STAB2: variants seen among roughly 807,000 people sequenced by gnomAD.
The protein encoded by STAB2 is stabilin-2.
Under a neutral mutation model 338.1 loss-of-function variants are expected in STAB2, and 288 were observed. The observed-to-expected ratio is 0.85, with a 90% CI of 0.77 to 0.94. The LOEUF (loss-of-function observed/expected upper bound fraction) is 0.94, where lower values mean the gene tolerates loss of function less well. Ranked by LOEUF, STAB2 falls within the 40% of genes least tolerant of loss-of-function variation. STAB2 has a pLI of 0.00. For missense variants in STAB2, 3,141 were observed against 3,210.1 expected, an observed-to-expected ratio of 0.98 and a Z score of 0.52; for synonymous variants, 1,202 against 1,193.3, an observed-to-expected ratio of 1.01 and a Z score of -0.15.
At chr12:103,711,589 T>G in intron 40 of STAB2, 73 bp downstream of exon 40, 5 of 1,528,616 alleles carry the variant, frequency 3.3e-6, no homozygotes, top group Non-Finnish European at 4.5e-6. Flanking sequence ...CCCTAGTCTC[T>G]ATCCTCAGGG....
chr12:103,752,549 C>T (rs1883758763), intron 60 of STAB2, among the ~76,000 whole-genome samples: 1 of 152,172 alleles, frequency 6.6e-6, no homozygotes, highest in Non-Finnish European at 1.5e-5. Flanking sequence ...TGATAAAAAT[C>T]TTCCAGTATC....
intron 61 of STAB2, among the ~76,000 whole-genome samples, chr12:103,753,913 A>C (rs1486847641): frequency 6.6e-6 from 1 of 152,180 alleles, no homozygotes; most frequent in Admixed American, 6.5e-5. Flanking sequence ...AAGAAAAAAG[A>C]GACTGCACAA....
At chr12:103,708,608 A>C (rs1213422736) in intron 39 of STAB2, 72 bp downstream of exon 39, 16 of 1,433,790 alleles carry the variant, frequency 1.1e-5, no homozygotes, top group Non-Finnish European at 1.6e-5. Context: ...TTTTCTTTCT[A>C]AAATATAAAT....
intron 10 of STAB2, among the ~76,000 whole-genome samples, chr12:103,650,243 G>A (rs1369815783): frequency 6.6e-6 from 1 of 151,858 alleles, no homozygotes. Flanking sequence ...GCTCAGCCAG[G>A]GTATCTTTGA....
At chr12:103,609,194 T>G (rs1957081566) in intron 3 of STAB2, among the ~76,000 whole-genome samples, 1 of 152,216 alleles carries the variant, frequency 6.6e-6, no homozygotes, top group Non-Finnish European at 1.5e-5. Flanking sequence ...CCATATGAAC[T>G]TTAAAGTAGT....
At chr12:103,728,826 A>G in intron 47 of STAB2, 23 bp from the exon 48 acceptor site, 8 of 1,612,720 alleles carry the variant, frequency 5.0e-6, no homozygotes, top group Non-Finnish European at 6.8e-6. Context: ...CTCTGGCTGA[A>G]ACCCTCTGAT....
chr12:103,711,648 T>C, intron 40 of STAB2, 132 bp downstream of exon 40: 1 of 1,060,928 alleles, frequency 9.4e-7, no homozygotes, highest in Non-Finnish European at 1.4e-6. Flanking sequence ...AACTTGAGTA[T>C]GAAACTAAAA....
chr12:103,705,651 G>T lies in STAB2; in HGVS notation c.3920G>T (p.Cys1307Phe). Reference sequence around the variant, plus strand: ...TCACAGGGTAATGAGAAGAGGAGATGCATCTATACCTCCTATTTCATGGGA... The same window carrying T: ...TCACAGGGTAATGAGAAGAGGAGATTCATCTATACCTCCTATTTCATGGGA... ...TKSLGNEKRR[C>F]IYTSYFMGRR... Residue 1307 changes from cysteine (C) to phenylalanine (F), a missense_variant, in exon 37 of 69, where the codon TGC (cysteine) becomes TTC (phenylalanine). Transcript: ENST00000388887. 4 of 1,614,142 alleles carry T rather than the reference G, an allele frequency of 2.5e-6. No individual in the cohort carries two copies. Among genetic ancestry groups the T allele is most frequent in the Non-Finnish European group, 3.4e-6 (4 of 1,179,970 alleles).
chr12:103,677,873 G>A (rs112002970), intron 25 of STAB2, among the ~76,000 whole-genome samples: 2,832 of 152,286 alleles, frequency 0.019, 82 homozygotes, highest in African/African-American at 0.062. Flanking sequence ...CATCCAGTCT[G>A]ACTCCAGGGC....
chr12:103,739,316 A>T, intron 53 of STAB2, 96 bp from the exon 54 acceptor site: 1 of 1,137,830 alleles, frequency 8.8e-7, no homozygotes, highest in Non-Finnish European at 1.2e-6. Flanking sequence ...TCTTAAGATT[A>T]GTTAAGCCCT....
rs779106470 is a variant in STAB2 at position 103,699,081 on chromosome 12, C to T, written c.3583-15C>T. The stretch of plus-strand genomic sequence containing the variant: ...CTGATCTCTTGACTGACTTCCAATT[C>T]TGTGTGTGATCCAGGAGGAGGACGT... On this transcript the variant is annotated splice_polypyrimidine_tract_variant and intron_variant, in intron 33 of 68. Coordinates refer to ENST00000388887, the MANE Select transcript of STAB2 (RefSeq NM_017564.10). 1.2e-6 allele frequency: 2 copies of T among 1,600,788 alleles called. No individual in the cohort carries two copies. Among genetic ancestry groups the T allele is most frequent in the Non-Finnish European group, 8.5e-7 (1 of 1,170,678 alleles).
intron 41 of STAB2, 101 bp downstream of exon 41, chr12:103,712,544 C>A: frequency 1.2e-6 from 1 of 858,748 alleles, no homozygotes; most frequent in Non-Finnish European, 2.0e-6. Flanking sequence ...GCAGCTGGTG[C>A]CAACCACTGA....
rs900606926 is a variant in STAB2, at chr12:103,761,365, C to A, written c.7314C>A (p.Ile2438=). The A allele has an allele frequency of 5.6e-6, 9 of 1,613,800 alleles. No individual in the cohort carries two copies. In the African/African-American group the frequency reaches 1.2e-4, roughly 22 times the overall value. Residue 2438 remains isoleucine (I), a synonymous_variant, in exon 66 of 69, where the codon ATC becomes ATA. Transcript: ENST00000388887. The part of the protein sequence containing the change: ...LQWDIFASNG[I]IHVISRPLKA... ...GGGACATCTTTGCCTCCAATGGGATCATTCATGTCATTTCCAGGCCTTTAA... is the reference window on the plus strand; with the variant it reads ...GGGACATCTTTGCCTCCAATGGGATAATTCATGTCATTTCCAGGCCTTTAA...
chr12:103,633,863 A>G (rs1957503448), intron 6 of STAB2, among the ~76,000 whole-genome samples: 1 of 152,258 alleles, frequency 6.6e-6, no homozygotes, highest in South Asian at 2.1e-4. Flanking sequence ...GAAAAATGAC[A>G]GTAAGAATGT....
intron 48 of STAB2, among the ~76,000 whole-genome samples, chr12:103,729,591 C>T (rs1881476388): frequency 6.6e-6 from 1 of 152,104 alleles, no homozygotes; most frequent in Non-Finnish European, 1.5e-5. Flanking sequence ...GTAACTTGTC[C>T]AAGGTCACAC....
intron 51 of STAB2, among the ~76,000 whole-genome samples, chr12:103,734,628 T>C (rs959700404): frequency 6.6e-6 from 1 of 152,180 alleles, no homozygotes; most frequent in African/African-American, 2.4e-5. Flanking sequence ...GTCTGCTCAG[T>C]TCAAGAATGC....
intron 5 of STAB2, among the ~76,000 whole-genome samples, chr12:103,623,059 G>T (rs935273681): frequency 2.6e-5 from 4 of 152,218 alleles, no homozygotes; most frequent in African/African-American, 4.8e-5. Context: ...CTCTGAGATA[G>T]AGATTTGAGT....
chr12:103,634,456 T>C (rs1826593), intron 6 of STAB2, among the ~76,000 whole-genome samples: 2 of 151,912 alleles, frequency 1.3e-5, no homozygotes, highest in Admixed American at 1.3e-4. Flanking sequence ...CTACAATCTG[T>C]ATCAAACTTT....
At chr12:103,707,075 T>G in intron 38 of STAB2, 88 bp downstream of exon 38, 2 of 1,456,044 alleles carry the variant, frequency 1.4e-6, no homozygotes, top group Non-Finnish European at 1.8e-6. Context: ...ACGTGCTCTC[T>G]AGCTGGCCTG....
Sources: allele counts gnomAD v4.1 joint callset (sites outside exome capture counted in the v4.1 genomes callset), GRCh38; gene constraint gnomAD v4.1.1; transcripts MANE v1.5; gene names NCBI Gene and HGNC (gene_info 2026-07-23, HGNC 2026-07-21).